Variants in MTMR10 observed in about 807,000 individuals in gnomAD.
MTMR10 encodes the protein myotubularin related protein 10.
Under a neutral mutation model 88.1 loss-of-function variants are expected in MTMR10, and 56 were observed. The observed-to-expected ratio is 0.64, with a 90% CI of 0.51 to 0.79. The LOEUF is 0.79. MTMR10 is among the 30% of genes least tolerant of loss of function. MTMR10 has a pLI of 0.00. For missense variants in MTMR10, 883 were observed against 924.7 expected (o/e 0.95, Z 0.58); for synonymous variants, 380 against 340.9 (o/e 1.11, Z -1.26).
intron 2 of MTMR10, among the ~76,000 whole-genome samples, chr15:30,985,974 G>C (rs2030913512): frequency 6.6e-6 from 1 of 152,168 alleles, no homozygotes; most frequent in African/African-American, 2.4e-5. Context: ...GGTGGAGTTA[G>C]TCAGGAAAGG....
chr15:30,930,631 C>T, the MTMR10 span: 2 of 1,612,864 alleles, frequency 1.2e-6, no homozygotes. Flanking sequence ...GGGGGCCTCC[C>T]CGACCTGGTG....
chr15:30,957,705 C>CA (rs572073283), intron 9 of MTMR10, among the ~76,000 whole-genome samples: 10 of 149,856 alleles, frequency 6.7e-5, no homozygotes, highest in Non-Finnish European at 1.2e-4. Flanking sequence ...GACTCTGTCT[C>CA]AAAAAAAAAG....
At chr15:30,981,591 G>GA (rs1180908043) in intron 2 of MTMR10, among the ~76,000 whole-genome samples, 1 of 152,188 alleles carries the variant, frequency 6.6e-6, no homozygotes, top group Non-Finnish European at 1.5e-5. Flanking sequence ...GGAATCTAAG[G>GA]AAAGGGTATC....
chr15:30,933,684 T>C, the MTMR10 span, among the ~76,000 whole-genome samples: 1 of 152,232 alleles, frequency 6.6e-6, no homozygotes, highest in Admixed American at 6.5e-5. Context: ...TACTGATTTC[T>C]TATTTACTTG....
chr15:30,945,278 T>C (rs1442283204), intron 14 of MTMR10, among the ~76,000 whole-genome samples: 3 of 152,118 alleles, frequency 2.0e-5, no homozygotes, highest in Non-Finnish European at 4.4e-5. Flanking sequence ...GAAAAGGCTT[T>C]TGAAAGAGCC....
At chr15:30,919,961 C>G in the MTMR10 span, among the ~76,000 whole-genome samples, 4 of 152,080 alleles carry the variant, frequency 2.6e-5, no homozygotes, top group South Asian at 2.1e-4. Context: ...ACTTAAAAAT[C>G]ACAAGAAGTT....
chr15:30,952,098 G>T, intron 11 of MTMR10, 60 bp from the exon 12 acceptor site: 2 of 1,376,160 alleles, frequency 1.5e-6, no homozygotes, highest in South Asian at 2.4e-5. Context: ...AATACATAAA[G>T]TACTTGAAAT....
At chr15:30,985,450 A>G (rs2030881853) in intron 2 of MTMR10, among the ~76,000 whole-genome samples, 2 of 152,200 alleles carry the variant, frequency 1.3e-5, no homozygotes, top group South Asian at 4.1e-4. Context: ...CAGTGCAGCC[A>G]GGTGGGCCGT....
chr15:30,967,987 A>T lies in MTMR10; in HGVS notation c.498T>A (p.Tyr166Ter). ...AKKVCLAIAH[Y>*]SQPTDLQLLF... ...GTAGCTGGAGGTCTGTTGGCTGGGA[A>T]TAATGAGCTATTGCAAGGCATACCT... Residue 166 changes from tyrosine (Y) to a stop codon, truncating the protein, a stop_gained, in exon 6 of 16, where the codon TAT becomes TAA. Coordinates refer to ENST00000435680, the MANE Select transcript of MTMR10 (RefSeq NM_017762.3). LOFTEE classifies it high-confidence loss of function. 1 of 1,571,788 alleles carries T rather than the reference A, an allele frequency of 6.4e-7. No individual in the cohort carries two copies. Among genetic ancestry groups the T allele is most frequent in the Non-Finnish European group, 8.6e-7 (1 of 1,157,212 alleles).
the MTMR10 span, among the ~76,000 whole-genome samples, chr15:30,922,952 C>G: frequency 6.6e-6 from 1 of 152,234 alleles, no homozygotes; most frequent in East Asian, 1.9e-4. Flanking sequence ...GCGGGTGAGG[C>G]CGCAGAGCCT....
intron 2 of MTMR10, among the ~76,000 whole-genome samples, chr15:30,982,052 C>T (rs2030614284): frequency 7.1e-6 from 1 of 140,742 alleles, no homozygotes; most frequent in Non-Finnish European, 1.5e-5. Flanking sequence ...GCCTGGGTGA[C>T]AGAACAAGAC....
In MTMR10 at chr15:30,943,360, C is replaced by CT. The variant is rs1452563722; in HGVS notation, c.1549-289dup. 4.1e-6 allele frequency: 4 copies of CT among 985,162 alleles called. No individual in the cohort carries two copies. The African/African-American group carries it at 7.0e-5, about 17-fold the overall frequency. 61.0% of individuals were successfully genotyped at this position (985,162 alleles called of 1,614,324 possible). A position where few individuals can be genotyped will look rare whatever the true frequency, so the allele number is the denominator to read the frequency against. On this transcript the variant is annotated intron_variant, in intron 14 of 15. Coordinates refer to ENST00000435680, the MANE Select transcript of MTMR10 (RefSeq NM_017762.3). ...AAGAATGTTATTAAGAGAAGTTTCA[C>CT]TAACATGATACTAGAAAGTCTTAAA...
intron 6 of MTMR10, among the ~76,000 whole-genome samples, chr15:30,961,694 G>T (rs115015816): frequency 3.9e-5 from 6 of 152,030 alleles, no homozygotes; most frequent in Non-Finnish European, 8.8e-5. Flanking sequence ...TGATCACGCC[G>T]GACCACTCTA....
chr15:30,946,668 G>C (rs751037889), intron 14 of MTMR10: 36 of 692,768 alleles, frequency 5.2e-5, no homozygotes, highest in Non-Finnish European at 8.7e-5. Flanking sequence ...TTTCAAGTTT[G>C]GCTTGAGACC....
chr15:30,925,082 A>G, the MTMR10 span: 91 of 1,561,150 alleles, frequency 5.8e-5, no homozygotes, highest in Non-Finnish European at 7.0e-5. Flanking sequence ...GGAAGCCGCC[A>G]TGGGTTTTTT....
chr15:30,927,929 AT>A, the MTMR10 span: 1 of 985,718 alleles, frequency 1.0e-6, no homozygotes, highest in Non-Finnish European at 1.2e-6. Flanking sequence ...TCAGTAAAAC[AT>A]TTGTGTGACG....
chr15:30,972,480 G>C (rs879088526), intron 5 of MTMR10, among the ~76,000 whole-genome samples: 1 of 151,988 alleles, frequency 6.6e-6, no homozygotes, highest in Non-Finnish European at 1.5e-5. Flanking sequence ...TCTGAAACTT[G>C]GTCTTAGGAA....
At chr15:30,974,900 A>G in intron 4 of MTMR10, 31 bp downstream of exon 4, 1 of 1,347,246 alleles carries the variant, frequency 7.4e-7, no homozygotes, top group Non-Finnish European at 1.0e-6. Context: ...AGTGGAATTG[A>G]CTTTTAGAGT....
the MTMR10 span, among the ~76,000 whole-genome samples, chr15:30,920,915 C>G: frequency 6.6e-6 from 1 of 152,208 alleles, no homozygotes; most frequent in Non-Finnish European, 1.5e-5. Context: ...TCCTGAGTAG[C>G]TGGGACTACA....
Sources: allele counts gnomAD v4.1 joint callset (sites outside exome capture counted in the v4.1 genomes callset), GRCh38; gene constraint gnomAD v4.1.1; transcripts MANE v1.5; gene names NCBI Gene and HGNC (gene_info 2026-07-23, HGNC 2026-07-21).